The following EHBP1 variants were observed in gnomAD, a reference collection of about 807,000 sequenced individuals.
The protein encoded by EHBP1 is EH domain-binding protein 1.
EHBP1 carries 55 observed loss-of-function variants against 144.0 expected under a neutral mutation model. That is an observed-to-expected ratio of 0.38 (90% CI 0.31 to 0.48). The LOEUF is 0.48. Among genes scored for constraint, EHBP1 ranks in the 20% least tolerant of loss-of-function variants. EHBP1 has a pLI of 0.98. For missense variants in EHBP1, 1,200 were observed against 1,364.2 expected, an observed-to-expected ratio of 0.88 and a Z score of 1.90; for synonymous variants, 469 against 472.7, an observed-to-expected ratio of 0.99 and a Z score of 0.10.
At chr2:62,799,003 C>CAAAAA (rs757731955) in intron 5 of EHBP1, among the ~76,000 whole-genome samples, 12 of 76,748 alleles carry the variant, frequency 1.6e-4, no homozygotes, top group African/African-American at 2.2e-4. Flanking sequence ...GACTCCGTCT[C>CAAAAA]AAAAAAAAAA....
chr2:62,706,935 T>G lies in EHBP1; in HGVS notation c.-257T>G, dbSNP rs2034650649. On this transcript the variant is annotated 5_prime_UTR_variant, in exon 2 of 23. It removes an upstream start codon present in the reference 5' UTR. Coordinates refer to ENST00000431489, the MANE Select transcript of EHBP1 (RefSeq NM_001142616.3). ...CCATCATATAGCCCCTGAGGTGGCATGGTGATGTCTCCATGAGGGAACCCC... is the reference window on the plus strand; with the variant it reads ...CCATCATATAGCCCCTGAGGTGGCAGGGTGATGTCTCCATGAGGGAACCCC... 1 of 399,020 alleles carries G rather than the reference T, an allele frequency of 2.5e-6. No individual in the cohort carries two copies. Among genetic ancestry groups the G allele is most frequent in the East Asian group, 4.6e-5 (1 of 21,782 alleles). The allele number at this position is 399,020 out of a possible 1,614,324, so 24.7% of individuals were successfully genotyped here. A position where few individuals can be genotyped will look rare whatever the true frequency, so the allele number is the denominator to read the frequency against.
intron 7 of EHBP1, among the ~76,000 whole-genome samples, chr2:62,834,342 T>G (rs926196186): frequency 2.0e-5 from 3 of 152,328 alleles, no homozygotes; most frequent in Middle Eastern, 3.4e-3. Flanking sequence ...AGGATTCAAT[T>G]GATGCAGCAA....
intron 10 of EHBP1, among the ~76,000 whole-genome samples, chr2:62,920,339 C>CA (rs1215216558): frequency 2.6e-5 from 4 of 151,912 alleles, no homozygotes; most frequent in Non-Finnish European, 5.9e-5. Context: ...TGCTAAAAGA[C>CA]AAAAAAACTG....
At chr2:63,012,911 T>A (rs1166696649) in intron 19 of EHBP1, among the ~76,000 whole-genome samples, 2 of 152,164 alleles carry the variant, frequency 1.3e-5, no homozygotes, top group Non-Finnish European at 2.9e-5. Flanking sequence ...ACATTCATGT[T>A]GAATAGTAGC....
At chr2:62,815,450 C>A (rs2045362574) in intron 5 of EHBP1, among the ~76,000 whole-genome samples, 1 of 152,100 alleles carries the variant, frequency 6.6e-6, no homozygotes. Flanking sequence ...GAGTATTAGT[C>A]TTTTTAATAT....
intron 2 of EHBP1, among the ~76,000 whole-genome samples, chr2:62,710,144 A>G (rs1269573138): frequency 1.3e-5 from 2 of 152,072 alleles, no homozygotes; most frequent in African/African-American, 4.8e-5. Context: ...TATCATCTGT[A>G]GGCTTTTAGA....
At chr2:62,753,475 A>G (rs1413682274) in intron 3 of EHBP1, among the ~76,000 whole-genome samples, 2 of 151,942 alleles carry the variant, frequency 1.3e-5, no homozygotes, top group Non-Finnish European at 2.9e-5. Context: ...TGACAATTAT[A>G]TGTCTTGGAG....
At chr2:62,997,101 A>T (rs1306686801) in intron 19 of EHBP1, among the ~76,000 whole-genome samples, 1 of 152,168 alleles carries the variant, frequency 6.6e-6, no homozygotes, top group Non-Finnish European at 1.5e-5. Flanking sequence ...GGGGAAAAAA[A>T]AGATTTGGCC....
At chr2:62,677,213 C>T (rs2033331551) in intron 1 of EHBP1, among the ~76,000 whole-genome samples, 1 of 152,038 alleles carries the variant, frequency 6.6e-6, no homozygotes, top group South Asian at 2.1e-4. Context: ...AAACAAAAAA[C>T]CTTTGACGAA....
In EHBP1 at chr2:62,787,398, C is replaced by G. The variant is rs1362355615; in HGVS notation, c.312+16006C>G. On this transcript the variant is annotated intron_variant, in intron 5 of 22. Coordinates refer to ENST00000431489, the MANE Select transcript of EHBP1 (RefSeq NM_001142616.3). ...ACCACCCCACACTGCACCGCTGCCC[C>G]CCCCCCCCACCCCCTTGCTCCATTA... 1.5e-4 allele frequency among the ~76,000 whole-genome samples: 17 copies of G among 111,548 alleles called. 2 individuals are homozygous for G. The highest frequency in any genetic ancestry group is 3.6e-4 in the African/African-American group (11 of 30,294). 73.2% of individuals were successfully genotyped at this position (111,548 alleles called of 152,430 possible).
At chr2:62,933,867 T>G (rs1164042066) in intron 10 of EHBP1, among the ~76,000 whole-genome samples, 2 of 152,244 alleles carry the variant, frequency 1.3e-5, no homozygotes, top group Non-Finnish European at 2.9e-5. Context: ...TATGCATGTT[T>G]GTACCTGTTT....
upstream of EHBP1, among the ~76,000 whole-genome samples, chr2:62,704,951 CAA>C (rs1209784554): frequency 6.6e-6 from 1 of 152,200 alleles, no homozygotes; most frequent in East Asian, 1.9e-4. Flanking sequence ...TCACTAGGGG[CAA>C]AAGAGTCCGA....
At chr2:62,715,509 TG>T (rs1458788941) in intron 2 of EHBP1, among the ~76,000 whole-genome samples, 2 of 152,116 alleles carry the variant, frequency 1.3e-5, no homozygotes, top group Non-Finnish European at 2.9e-5. Context: ...AAGAGTCATA[TG>T]GCTACCCAGA....
At chr2:62,764,146 T>A (rs901486883) in intron 3 of EHBP1, 120 bp from the exon 4 acceptor site, 6 of 710,102 alleles carry the variant, frequency 8.4e-6, no homozygotes, top group Non-Finnish European at 1.3e-5. Context: ...AATATACCAT[T>A]GTAAATTACT....
At chr2:62,738,046 C>T (rs982183963) in intron 2 of EHBP1, among the ~76,000 whole-genome samples, 5 of 151,996 alleles carry the variant, frequency 3.3e-5, no homozygotes, top group African/African-American at 7.2e-5. Context: ...ATTATAGGCA[C>T]GAGCCACTGT....
At chr2:62,925,720 A>AC (rs2055453291) in intron 10 of EHBP1, among the ~76,000 whole-genome samples, 1 of 152,162 alleles carries the variant, frequency 6.6e-6, no homozygotes, top group Non-Finnish European at 1.5e-5. Flanking sequence ...AAGACTCTAC[A>AC]TGGAAAACTG....
chr2:62,741,424 A>G (rs1038423962), intron 2 of EHBP1, among the ~76,000 whole-genome samples: 2 of 152,178 alleles, frequency 1.3e-5, no homozygotes, highest in Non-Finnish European at 2.9e-5. Flanking sequence ...CAAAGGTGGT[A>G]ATATTAGCTA....
intron 5 of EHBP1, among the ~76,000 whole-genome samples, chr2:62,787,604 A>G (rs899810923): frequency 1.3e-5 from 2 of 152,244 alleles, no homozygotes; most frequent in Non-Finnish European, 2.9e-5. Context: ...ATAACACATA[A>G]GAACTAAAGA....
At chr2:63,005,018 A>G (rs945999864) in intron 19 of EHBP1, among the ~76,000 whole-genome samples, 11 of 152,044 alleles carry the variant, frequency 7.2e-5, no homozygotes, top group Non-Finnish European at 1.2e-4. Flanking sequence ...CTTTACCTAC[A>G]CTAATAATGA....
Sources: gnomAD v4.1 joint callset for allele counts (sites outside exome capture counted in the v4.1 genomes callset) on GRCh38, gnomAD v4.1.1 for gene constraint, MANE v1.5 for transcripts, NCBI Gene and HGNC (gene_info 2026-07-23, HGNC 2026-07-21) for gene names.